SZRD1: variants seen among roughly 807,000 people sequenced by gnomAD.
The protein encoded by SZRD1 is SUZ RNA-binding domain-containing.
In SZRD1, 7 loss-of-function variants were observed where a neutral mutation model predicts 17.6. The ratio of observed to expected loss-of-function variants is 0.40; its 90% confidence interval spans 0.23 to 0.75. The LOEUF is 0.75. Ranked by LOEUF, SZRD1 falls within the 30% of genes least tolerant of loss-of-function variation. SZRD1 has a pLI of 0.38. For synonymous variants in SZRD1, 77 were observed against 77.9 expected (o/e 0.99, Z 0.06); for missense variants, 178 against 201.8 (o/e 0.88, Z 0.71).
chr1:16,391,252 G>A lies in SZRD1; in HGVS notation c.52-123G>A, dbSNP rs2085216952. On this transcript the variant is annotated intron_variant, in intron 1 of 3. Transcript: ENST00000401088. This position sits in a 1 kb window ranked among gnomAD's most constrained non-coding sequence, Gnocchi z 4.3. Reference sequence around the variant, plus strand: ...CCAAAATCTAGTCCACATTTGTTATGTTGAAGGACACAGTCATGTCCCTGG... The same window carrying A: ...CCAAAATCTAGTCCACATTTGTTATATTGAAGGACACAGTCATGTCCCTGG... 1 of 725,636 alleles carries A rather than the reference G, an allele frequency of 1.4e-6. No individual in the cohort carries two copies. 44.9% of individuals were successfully genotyped at this position (725,636 alleles called of 1,614,324 possible). A position where few individuals can be genotyped will look rare whatever the true frequency, so the allele number is the denominator to read the frequency against.
intron 1 of SZRD1, among the ~76,000 whole-genome samples, chr1:16,368,380 CG>C (rs1448422269): frequency 6.6e-6 from 1 of 151,946 alleles, no homozygotes; most frequent in Admixed American, 6.6e-5. Flanking sequence ...TGGAAGAGGC[CG>C]GGAAATTGAC....
At chr1:16,384,668 G>A (rs1182749859) in intron 1 of SZRD1, among the ~76,000 whole-genome samples, 1 of 152,212 alleles carries the variant, frequency 6.6e-6, no homozygotes, top group African/African-American at 2.4e-5. Flanking sequence ...GGCTAGCATG[G>A]GCCGTGGCTG....
chr1:16,379,205 C>T (rs969386874), intron 1 of SZRD1, among the ~76,000 whole-genome samples: 14 of 151,836 alleles, frequency 9.2e-5, no homozygotes, highest in South Asian at 8.3e-4. Context: ...CTGCAAGCTC[C>T]GCCTCTGGGA....
intron 1 of SZRD1, among the ~76,000 whole-genome samples, chr1:16,372,125 TTTC>T (rs1161694303): frequency 1.3e-5 from 2 of 152,204 alleles, no homozygotes; most frequent in Non-Finnish European, 2.9e-5. Context: ...TCTTTTTCTT[TTTC>T]TTTTTTTTTT....
intron 1 of SZRD1, among the ~76,000 whole-genome samples, chr1:16,383,615 T>C (rs2083142027): frequency 6.7e-6 from 1 of 150,056 alleles, no homozygotes; most frequent in African/African-American, 2.5e-5. Flanking sequence ...TCTTTCTTTC[T>C]TTTTTTCCTT....
intron 1 of SZRD1, among the ~76,000 whole-genome samples, chr1:16,380,415 GCCTCAGCCTCCCAAGCAGCTGGA>G (rs1459590203): frequency 4.6e-5 from 7 of 151,754 alleles, no homozygotes; most frequent in African/African-American, 1.7e-4. Flanking sequence ...CAATCCTCCT[GCCTCAGCCTCCCAAGCAGCTGGA>G]ATTACAAGCA....
At chr1:16,394,645 C>T (rs1008861368) in intron 3 of SZRD1, among the ~76,000 whole-genome samples, 8 of 152,102 alleles carry the variant, frequency 5.3e-5, no homozygotes, top group Non-Finnish European at 1.2e-4. Context: ...TGACGTGGGC[C>T]CAGCTATATG....
intron 1 of SZRD1, among the ~76,000 whole-genome samples, chr1:16,390,925 A>G (rs2100745729): frequency 1.3e-5 from 2 of 152,268 alleles, no homozygotes; most frequent in Middle Eastern, 6.8e-3. Flanking sequence ...GGTATGGGTG[A>G]GGCATGCTCA....
chr1:16,385,062 TAA>T (rs1408356386), intron 1 of SZRD1, among the ~76,000 whole-genome samples: 1 of 152,240 alleles, frequency 6.6e-6, no homozygotes, highest in East Asian at 1.9e-4. Flanking sequence ...TTGTTGCCAA[TAA>T]AAGAGTATTT....
At chr1:16,379,756 TG>T (rs922679427) in intron 1 of SZRD1, among the ~76,000 whole-genome samples, 16 of 134,830 alleles carry the variant, frequency 1.2e-4, no homozygotes, top group Non-Finnish European at 1.9e-4. Flanking sequence ...CCTGTTGATT[TG>T]GGGTTTTTTT....
At chr1:16,384,055 G>A (rs1437240495) in intron 1 of SZRD1, among the ~76,000 whole-genome samples, 1 of 152,146 alleles carries the variant, frequency 6.6e-6, no homozygotes, top group Non-Finnish European at 1.5e-5. Context: ...TAGGACTTGG[G>A]GTGTGTCCCT....
intron 3 of SZRD1, among the ~76,000 whole-genome samples, chr1:16,394,031 T>G (rs2085262582): frequency 6.6e-6 from 1 of 152,228 alleles, no homozygotes; most frequent in Non-Finnish European, 1.5e-5. Flanking sequence ...AATTCCTTTT[T>G]ACTCTTAACA....
rs1009135946 is a variant in SZRD1, at chr1:16,388,329, A to T, written c.52-3046A>T. Among the ~76,000 whole-genome samples, 5 of 152,188 alleles carry T rather than the reference A, an allele frequency of 3.3e-5. No homozygotes were observed. In the East Asian group the frequency reaches 5.8e-4, roughly 18 times the overall value. ...TGACCAGGCTGGTCTTGAACTCCTG[A>T]CCTCAAGTGATTCACCCACCTCGGC... On this transcript the variant is annotated intron_variant, in intron 1 of 3. Coordinates refer to ENST00000401088, the MANE Select transcript of SZRD1 (RefSeq NM_001114600.3).
intron 1 of SZRD1, among the ~76,000 whole-genome samples, chr1:16,375,663 A>C (rs1435373730): frequency 6.6e-6 from 1 of 152,192 alleles, no homozygotes; most frequent in Non-Finnish European, 1.5e-5. Context: ...AATGCCCATC[A>C]CAGTAAGCCA....
chr1:16,392,985 C>T (rs905307901), intron 2 of SZRD1, among the ~76,000 whole-genome samples: 1 of 152,170 alleles, frequency 6.6e-6, no homozygotes, highest in Non-Finnish European at 1.5e-5. Flanking sequence ...CGTTCCAGCC[C>T]CTGTGGCCAG....
chr1:16,377,233 G>A (rs1357698492), intron 1 of SZRD1, among the ~76,000 whole-genome samples: 1 of 152,150 alleles, frequency 6.6e-6, no homozygotes, highest in Non-Finnish European at 1.5e-5. Context: ...TAGTGTCTTT[G>A]TTTCATCCTC....
intron 1 of SZRD1, among the ~76,000 whole-genome samples, chr1:16,389,081 T>C (rs12138205): frequency 1.0e-5 from 1 of 96,184 alleles, no homozygotes; most frequent in Non-Finnish European, 2.2e-5. Flanking sequence ...AGTTATTTCC[T>C]TTTTTTTTTT....
chr1:16,390,940 C>T (rs1223197832), intron 1 of SZRD1, among the ~76,000 whole-genome samples: 1 of 152,082 alleles, frequency 6.6e-6, no homozygotes, highest in Non-Finnish European at 1.5e-5. Context: ...TGCTCAGAAG[C>T]TTTGACTAGG....
intron 1 of SZRD1, among the ~76,000 whole-genome samples, chr1:16,379,761 T>A (rs954200322): frequency 4.2e-5 from 1 of 23,622 alleles, no homozygotes; most frequent in Admixed American, 3.8e-4. Flanking sequence ...TGATTTGGGG[T>A]TTTTTTTTTT....
Sources: allele counts gnomAD v4.1 joint callset (sites outside exome capture counted in the v4.1 genomes callset), GRCh38; gene constraint gnomAD v4.1.1; non-coding constraint Gnocchi (gnomAD v3.1); transcripts MANE v1.5; gene names NCBI Gene and HGNC (gene_info 2026-07-23, HGNC 2026-07-21).